The following SLC35F5 variants were observed in gnomAD, a reference collection of about 807,000 sequenced individuals.
SLC35F5 encodes the protein solute carrier family 35 member F5.
SLC35F5 carries 54 observed loss-of-function variants against 68.6 expected under a neutral mutation model. The observed-to-expected ratio is 0.79, with a 90% CI of 0.63 to 0.99. SLC35F5 has a LOEUF of 0.99. Ranked by LOEUF, SLC35F5 falls within the 50% of genes least tolerant of loss-of-function variation. SLC35F5 has a pLI of 0.00. For synonymous variants in SLC35F5, 211 were observed against 205.2 expected, an observed-to-expected ratio of 1.03 and a Z score of -0.24; for missense variants, 567 against 626.9, an observed-to-expected ratio of 0.90 and a Z score of 1.02.
At chr2:113,717,900 G>C (rs775589167) in intron 14 of SLC35F5, 50 bp from the exon 15 acceptor site, 1 of 1,365,256 alleles carries the variant, frequency 7.3e-7, no homozygotes, top group Non-Finnish European at 1.0e-6. Flanking sequence ...AGCTGAAAAG[G>C]AACCTCAAAC....
intron 14 of SLC35F5, among the ~76,000 whole-genome samples, 198 bp downstream of exon 14, chr2:113,718,956 A>G (rs568106062): frequency 7.2e-4 from 105 of 144,982 alleles, no homozygotes; most frequent in Middle Eastern, 7.3e-3. Flanking sequence ...AGGAAGGAAG[A>G]AAGAAAGAAA....
chr2:113,732,959 G>A (rs1687953749), intron 9 of SLC35F5, among the ~76,000 whole-genome samples: 2 of 152,250 alleles, frequency 1.3e-5, no homozygotes, highest in African/African-American at 4.8e-5. Flanking sequence ...GATGAAATGA[G>A]ATTTCTTTGC....
At position 113,711,918 on chromosome 2, in the gene SLC35F5, A is replaced by G. The variant is rs188621484; in HGVS notation, c.*3300T>C. 2.6e-5 allele frequency among the ~76,000 whole-genome samples: 4 copies of G among 152,354 alleles called. No homozygotes were observed. Among genetic ancestry groups the G allele is most frequent in the East Asian group, 3.9e-4 (2 of 5,192 alleles). On this transcript the variant is annotated 3_prime_UTR_variant, in exon 16 of 16. Coordinates refer to ENST00000245680, the MANE Select transcript of SLC35F5 (RefSeq NM_025181.5). ...TCTTTAAAAACATTTTATTTCTTCA[A>G]CCAGCACACTGAGGATTAGTGCTAT...
At chr2:113,751,746 G>T (rs990395868) in intron 3 of SLC35F5, among the ~76,000 whole-genome samples, 19 of 151,844 alleles carry the variant, frequency 1.3e-4, no homozygotes, top group African/African-American at 4.4e-4. Flanking sequence ...GGAGTCAGAG[G>T]TTATAGTGAG....
At chr2:113,743,634 A>G in intron 6 of SLC35F5, 79 bp downstream of exon 6, 1 of 1,111,188 alleles carries the variant, frequency 9.0e-7, no homozygotes, top group Non-Finnish European at 1.3e-6. Context: ...TACATGTTTC[A>G]GTCAACCCAC....
At chr2:113,723,074 A>C in intron 13 of SLC35F5, 30 bp downstream of exon 13, 1 of 1,450,850 alleles carries the variant, frequency 6.9e-7, no homozygotes, top group Non-Finnish European at 9.3e-7. Flanking sequence ...CACACCTAAA[A>C]TATCTATGAA....
At chr2:113,733,443 C>T (rs1220063031) in intron 9 of SLC35F5, 2 of 305,134 alleles carry the variant, frequency 6.6e-6, no homozygotes, top group South Asian at 2.8e-5. Flanking sequence ...TAAATTAGCA[C>T]ATATTTTAAA....
intron 15 of SLC35F5, among the ~76,000 whole-genome samples, chr2:113,716,643 T>C (rs539441031): frequency 3.3e-5 from 5 of 152,130 alleles, no homozygotes; most frequent in African/African-American, 1.2e-4. Context: ...ACACAAGTCA[T>C]AAGCATGATA....
chr2:113,753,820 T>A (rs1023261241), intron 3 of SLC35F5, among the ~76,000 whole-genome samples: 1 of 152,198 alleles, frequency 6.6e-6, no homozygotes, highest in African/African-American at 2.4e-5. Flanking sequence ...AAAAACAAAC[T>A]ATTTATTTTA....
At chr2:113,723,081 T>A (rs371254744) in intron 13 of SLC35F5, 23 bp downstream of exon 13, 6 of 1,483,864 alleles carry the variant, frequency 4.0e-6, no homozygotes, top group Non-Finnish European at 5.4e-6. Flanking sequence ...AAAATATCTA[T>A]GAATAATAAA....
intron 9 of SLC35F5, among the ~76,000 whole-genome samples, chr2:113,733,876 C>G (rs1687987545): frequency 6.6e-6 from 1 of 152,220 alleles, no homozygotes; most frequent in Non-Finnish European, 1.5e-5. Context: ...TACTCTCCAT[C>G]AAATCATCCT....
intron 13 of SLC35F5, among the ~76,000 whole-genome samples, chr2:113,720,518 A>G (rs956582018): frequency 1.3e-5 from 2 of 152,138 alleles, no homozygotes; most frequent in East Asian, 3.8e-4. Flanking sequence ...CCCTATTTCT[A>G]TGGTATTCAT....
In SLC35F5 at chr2:113,723,115, A is replaced by G; in HGVS notation, c.1330T>C (p.Cys444Arg). 6.4e-7 allele frequency: 1 copy of G among 1,558,416 alleles called. No homozygotes were observed. Among genetic ancestry groups the G allele is most frequent in the East Asian group, 2.3e-5 (1 of 42,812 alleles). Residue 444 changes from cysteine to arginine, a missense_variant, in exon 13 of 16, where the codon TGT becomes CGT. By Grantham distance (180) the Cys-to-Arg change is radical. Coordinates refer to ENST00000245680, the MANE Select transcript of SLC35F5 (RefSeq NM_025181.5). Reference protein sequence around the residue: ...TIPLSIIADMCMQKVQFSWLF... With the variant: ...TIPLSIIADMRMQKVQFSWLF... Reference sequence around the variant, plus strand: ...AATAGTTTCCTTACCTTTTGCATACACATGTCAGCTATTATGGACAGAGGT... The same window carrying G: ...AATAGTTTCCTTACCTTTTGCATACGCATGTCAGCTATTATGGACAGAGGT...
downstream of SLC35F5, chr2:113,703,886 G>C (rs1686742407): frequency 6.6e-6 from 1 of 152,296 alleles, no homozygotes; most frequent in Non-Finnish European, 1.5e-5. Flanking sequence ...GGACTCAGTG[G>C]GTTCTCGGTC....
At chr2:113,733,445 T>C in intron 9 of SLC35F5, 1 of 303,272 alleles carries the variant, frequency 3.3e-6, no homozygotes, top group Non-Finnish European at 6.8e-6. Context: ...AATTAGCACA[T>C]ATTTTAAATA....
chr2:113,747,286 C>CAAA (rs35423114), intron 4 of SLC35F5, among the ~76,000 whole-genome samples: 5 of 141,782 alleles, frequency 3.5e-5, no homozygotes, highest in African/African-American at 1.0e-4. Flanking sequence ...GATTCCGTCT[C>CAAA]AAAAAAAAAA....
rs1293445245 is a variant in SLC35F5, at chr2:113,708,320, C to T, written c.*6898G>A. 2.6e-5 allele frequency among the ~76,000 whole-genome samples: 4 copies of T among 152,138 alleles called. No individual in the cohort carries two copies. Among genetic ancestry groups the T allele is most frequent in the Non-Finnish European group, 4.4e-5 (3 of 68,026 alleles). ...AAATGGAATTAAAAGATGAGAAAAC[C>T]TCGTAGTATTTTAGTCTGGTACTTT... On this transcript the variant is annotated 3_prime_UTR_variant, in exon 16 of 16. Transcript: ENST00000245680.
At chr2:113,749,680 C>T (rs1321844429) in intron 4 of SLC35F5, among the ~76,000 whole-genome samples, 1 of 152,066 alleles carries the variant, frequency 6.6e-6, no homozygotes, top group Non-Finnish European at 1.5e-5. Flanking sequence ...AGTCTGTGTA[C>T]AGACTTTCGG....
At chr2:113,742,901 T>C in intron 6 of SLC35F5, 22 bp from the exon 7 acceptor site, 3 of 1,588,312 alleles carry the variant, frequency 1.9e-6, no homozygotes, top group Non-Finnish European at 2.6e-6. Flanking sequence ...GAGCATAATA[T>C]GAAATAATTA....
Sources: gnomAD v4.1 joint callset for allele counts (sites outside exome capture counted in the v4.1 genomes callset) on GRCh38, gnomAD v4.1.1 for gene constraint, MANE v1.5 for transcripts, NCBI Gene and HGNC (gene_info 2026-07-23, HGNC 2026-07-21) for gene names.